LRP1B: variants seen among roughly 807,000 people sequenced by gnomAD.
LRP1B encodes the protein LDL receptor related protein 1B, also known as low-density lipoprotein receptor-related protein 1B.
Under a neutral mutation model 556.6 loss-of-function variants are expected in LRP1B, and 217 were observed. That is an observed-to-expected ratio of 0.39 (90% CI 0.35 to 0.44). The LOEUF (loss-of-function observed/expected upper bound fraction) is 0.44, where lower values mean the gene tolerates loss of function less well. Ranked by LOEUF, LRP1B falls within the 20% of genes least tolerant of loss-of-function variation. LRP1B has a pLI of 1.00. For missense variants in LRP1B, 5,053 were observed against 5,620.8 expected, an observed-to-expected ratio of 0.90 and a Z score of 3.23; for synonymous variants, 2,047 against 1,865.8, an observed-to-expected ratio of 1.10 and a Z score of -2.50.
intron 85 of LRP1B, among the ~76,000 whole-genome samples, chr2:140,272,292 C>G (rs950206280): frequency 1.4e-5 from 2 of 146,228 alleles, no homozygotes; most frequent in African/African-American, 5.0e-5. Context: ...CACACACACA[C>G]AGAATATGTG....
chr2:141,718,193 T>A (rs575934607), intron 2 of LRP1B, among the ~76,000 whole-genome samples: 1 of 152,200 alleles, frequency 6.6e-6, no homozygotes, highest in Non-Finnish European at 1.5e-5. Context: ...ACATGCTCCA[T>A]TGACAGCAAA....
chr2:141,440,969 G>A (rs1387089227), intron 3 of LRP1B, among the ~76,000 whole-genome samples: 1 of 152,104 alleles, frequency 6.6e-6, no homozygotes, highest in African/African-American at 2.4e-5. Context: ...GCACAGGATA[G>A]CCACTCCCGC....
At position 140,495,544 on chromosome 2, in the gene LRP1B, TG is replaced by T; in HGVS notation, c.9034+20del. On this transcript the variant is annotated intron_variant, in intron 56 of 90. Coordinates refer to ENST00000389484, the MANE Select transcript of LRP1B (RefSeq NM_018557.3). Reference sequence around the variant, plus strand: ...ATATGTATAACTGAGGTTGGATCAGTGGGCAAGTTCAATTCGATACCTGAGA... The same window carrying T: ...ATATGTATAACTGAGGTTGGATCAGTGGCAAGTTCAATTCGATACCTGAGA... 1.9e-6 allele frequency: 3 copies of T among 1,554,746 alleles called. No homozygotes were observed. In the South Asian group the frequency reaches 3.5e-5, roughly 18 times the overall value.
intron 2 of LRP1B, among the ~76,000 whole-genome samples, chr2:141,580,519 A>C (rs1297993580): frequency 6.6e-6 from 1 of 152,308 alleles, no homozygotes; most frequent in East Asian, 1.9e-4. Context: ...TTGATGGCTA[A>C]GCATAATGCT....
At chr2:141,696,694 C>A (rs1260706898) in intron 2 of LRP1B, among the ~76,000 whole-genome samples, 1 of 151,826 alleles carries the variant, frequency 6.6e-6, no homozygotes, top group African/African-American at 2.4e-5. Context: ...TCTCAGCAGA[C>A]AATGGGGAAG....
intron 41 of LRP1B, among the ~76,000 whole-genome samples, chr2:140,618,896 G>A (rs1247019703): frequency 6.6e-6 from 1 of 151,962 alleles, no homozygotes; most frequent in Non-Finnish European, 1.5e-5. Context: ...TGTGGGTGGG[G>A]AAATAATTAT....
At chr2:140,794,238 A>T (rs1471112746) in intron 32 of LRP1B, among the ~76,000 whole-genome samples, 1 of 152,170 alleles carries the variant, frequency 6.6e-6, no homozygotes, top group African/African-American at 2.4e-5. Flanking sequence ...ATCACAATAT[A>T]TATAATTTCC....
chr2:140,691,332 G>A (rs1185674441), intron 41 of LRP1B, among the ~76,000 whole-genome samples: 2 of 151,906 alleles, frequency 1.3e-5, no homozygotes, highest in East Asian at 1.9e-4. Flanking sequence ...TTAGTCAGGC[G>A]TGGAGGCACA....
intron 31 of LRP1B, among the ~76,000 whole-genome samples, chr2:140,822,321 C>A (rs998206265): frequency 7.2e-5 from 11 of 152,126 alleles, no homozygotes; most frequent in African/African-American, 2.7e-4. Context: ...TGAACAGAAA[C>A]AAAGTTATTC....
At chr2:140,798,369 A>C (rs889329592) in intron 32 of LRP1B, among the ~76,000 whole-genome samples, 1 of 152,226 alleles carries the variant, frequency 6.6e-6, no homozygotes, top group Non-Finnish European at 1.5e-5. Context: ...AAAAATAAAC[A>C]GAAAAGAAGG....
chr2:140,261,812 T>C (rs967249756), intron 86 of LRP1B, among the ~76,000 whole-genome samples: 21 of 151,960 alleles, frequency 1.4e-4, no homozygotes, highest in Admixed American at 3.9e-4. Context: ...GAAACCAAAA[T>C]AACAGTAGAT....
intron 41 of LRP1B, among the ~76,000 whole-genome samples, chr2:140,668,439 A>G (rs1685363320): frequency 6.6e-6 from 1 of 151,558 alleles, no homozygotes; most frequent in South Asian, 2.1e-4. Flanking sequence ...TAAAAAAATC[A>G]TAATACATGT....
At chr2:141,101,277 T>C (rs77259672) in intron 7 of LRP1B, among the ~76,000 whole-genome samples, 13,263 of 152,170 alleles carry the variant, frequency 0.087, 638 homozygotes, top group South Asian at 0.14. Context: ...CATGCTTTCC[T>C]TGTCTCCCCA....
intron 3 of LRP1B, among the ~76,000 whole-genome samples, chr2:141,474,813 T>C (rs1425909835): frequency 6.6e-6 from 1 of 152,146 alleles, no homozygotes; most frequent in Non-Finnish European, 1.5e-5. Flanking sequence ...TGTATTTGTA[T>C]GTTTTGGGGG....
At chr2:141,775,945 C>G (rs1695056237) in intron 2 of LRP1B, among the ~76,000 whole-genome samples, 1 of 151,564 alleles carries the variant, frequency 6.6e-6, no homozygotes, top group South Asian at 2.1e-4. Flanking sequence ...TGGGTTCACA[C>G]CATTCTCCTG....
At chr2:140,729,663 A>G (rs1687709507) in intron 35 of LRP1B, among the ~76,000 whole-genome samples, 1 of 152,214 alleles carries the variant, frequency 6.6e-6, no homozygotes, top group Non-Finnish European at 1.5e-5. Flanking sequence ...AGCCTCCTTC[A>G]ATCTTCCCAA....
chr2:140,383,779 T>C (rs1683642106), intron 67 of LRP1B, among the ~76,000 whole-genome samples: 1 of 152,172 alleles, frequency 6.6e-6, no homozygotes, highest in Non-Finnish European at 1.5e-5. Flanking sequence ...TGCAACTTCA[T>C]CAATATTACT....
Position 142,103,497 on chromosome 2 carries a change from T to C in LRP1B, c.82+27151A>G, listed in dbSNP as rs142464984. ...AAGAAACCTAACTCTAACCTTTATGTTCTTTGGTATGTGAAAGGACACACT... is the reference window on the plus strand; with the variant it reads ...AAGAAACCTAACTCTAACCTTTATGCTCTTTGGTATGTGAAAGGACACACT... On this transcript the variant is annotated intron_variant, in intron 1 of 90. Coordinates refer to ENST00000389484, the MANE Select transcript of LRP1B (RefSeq NM_018557.3). Among the ~76,000 whole-genome samples, 8 of 152,132 alleles carry C rather than the reference T, an allele frequency of 5.3e-5. No homozygotes were observed. In the East Asian group the frequency reaches 1.5e-3, roughly 29 times the overall value.
intron 77 of LRP1B, among the ~76,000 whole-genome samples, chr2:140,342,146 AATT>A (rs1681427734): frequency 6.6e-6 from 1 of 151,436 alleles, no homozygotes; most frequent in African/African-American, 2.4e-5. Flanking sequence ...TATAATTTAT[AATT>A]ATTCTTTCAA....
Sources: allele counts gnomAD v4.1 joint callset (sites outside exome capture counted in the v4.1 genomes callset), GRCh38; gene constraint gnomAD v4.1.1; transcripts MANE v1.5; gene names NCBI Gene and HGNC (gene_info 2026-07-23, HGNC 2026-07-21).